Variants in PIGQ observed in about 807,000 individuals in gnomAD.
PIGQ encodes phosphatidylinositol N-acetylglucosaminyltransferase subunit Q.
In PIGQ, 54 loss-of-function variants were observed where a neutral mutation model predicts 60.3. The observed-to-expected ratio is 0.90, with a 90% CI of 0.72 to 1.12. The LOEUF (loss-of-function observed/expected upper bound fraction) is 1.12. Among genes scored for constraint, PIGQ ranks in the 50% most tolerant of loss-of-function variants. PIGQ has a pLI of 0.00. For missense variants in PIGQ, 799 were observed against 793.5 expected, an observed-to-expected ratio of 1.01 and a Z score of -0.08; for synonymous variants, 416 against 363.7, an observed-to-expected ratio of 1.14 and a Z score of -1.64.
intron 4 of PIGQ, among the ~76,000 whole-genome samples, chr16:577,514 T>C (rs1315934895): frequency 1.3e-5 from 2 of 148,240 alleles, no homozygotes; most frequent in Non-Finnish European, 3.0e-5. Context: ...GAGGCAGAGC[T>C]TGCAGTGAGC....
intron 9 of PIGQ, 130 bp from the exon 10 acceptor site, chr16:582,118 G>T (rs1285923987): frequency 1.4e-6 from 1 of 734,248 alleles, no homozygotes; most frequent in Non-Finnish European, 2.4e-6. Flanking sequence ...AGGGGGCGGG[G>T]AGAGCTTCGT....
At chr16:573,533 C>T (rs2035667430) in intron 1 of PIGQ, among the ~76,000 whole-genome samples, 1 of 152,204 alleles carries the variant, frequency 6.6e-6, no homozygotes, top group Non-Finnish European at 1.5e-5. Flanking sequence ...GAGGTAGTTT[C>T]CACAGCCCAG....
Position 578,424 on chromosome 16 carries a change from G to A in PIGQ, c.988G>A (p.Ala330Thr). ...LQHLLQWLMG[A>T]PAGLKMNRAL... ...GCATCTGCTGCAGTGGCTGATGGGT[G>A]CTCCCGCCGGGCTCAAGATGAACCG... The change falls in exon 5 of 11, where the codon GCT becomes ACT. Residue 330 changes from alanine (A) to threonine (T), a missense_variant. Coordinates refer to ENST00000321878, the MANE Select transcript of PIGQ (RefSeq NM_004204.5). 1 of 1,612,272 alleles carries A rather than the reference G, an allele frequency of 6.2e-7. No individual in the cohort carries two copies. The highest frequency in any genetic ancestry group is 2.2e-5 in the East Asian group (1 of 44,882).
intron 10 of PIGQ, 110 bp from the exon 11 acceptor site, chr16:582,773 A>G: frequency 8.9e-7 from 1 of 1,125,326 alleles, no homozygotes; most frequent in South Asian, 1.5e-5. Flanking sequence ...AGGCAAGGGA[A>G]TGTCTGAGAC....
chr16:571,061 G>C (rs376686827), intron 1 of PIGQ, among the ~76,000 whole-genome samples: 17 of 18,108 alleles, frequency 9.4e-4, no homozygotes, highest in East Asian at 8.3e-3. Flanking sequence ...GTGTGTGTGT[G>C]TGTGTGTGTG....
At chr16:581,709 AC>A (rs1567177826) in intron 9 of PIGQ, 1 of 143,824 alleles carries the variant, frequency 7.0e-6, no homozygotes, top group South Asian at 1.8e-4. Flanking sequence ...TGATCCTCCC[AC>A]CTCAGCCTCC....
Position 580,947 on chromosome 16 carries a change from G to A in PIGQ, c.1506G>A (p.Arg502=), listed in dbSNP as rs2035800259. Residue 502 remains arginine, a synonymous_variant, in exon 9 of 11, where the codon CGG becomes CGA. Transcript: ENST00000321878. ...NSLPLYSLGL[R]LCRPYRLAAG... is the part of the protein sequence containing the mutation. ...TGCCGCTGTACTCACTGGGTCTTCG[G>A]CTCTGCCGGCCCTACAGGCTGGCGG... 2 of 1,610,434 alleles carry A rather than the reference G, an allele frequency of 1.2e-6. No individual in the cohort carries two copies. The highest frequency in any genetic ancestry group is 1.7e-6 in the Non-Finnish European group (2 of 1,178,304).
In PIGQ at chr16:572,623, G is replaced by A. The variant is rs140922223; in HGVS notation, c.-9-1443G>A. 2.7e-3 allele frequency: 1,230 copies of A among 455,794 alleles called. 9 individuals carry two copies. Among genetic ancestry groups the A allele is most frequent in the African/African-American group, 0.022 (1,107 of 50,018 alleles). 28.2% of individuals were successfully genotyped at this position (455,794 alleles called of 1,614,324 possible). A position where few individuals can be genotyped will look rare whatever the true frequency, so the allele number is the denominator to read the frequency against. ...CCTGGTCTGTTCCCTCATCCCTAAG[G>A]GCGTGGTGGGCTCTGAGACCTCCAG... is the stretch of plus-strand genomic sequence containing the variant. On this transcript the variant is annotated intron_variant, in intron 1 of 10. Coordinates refer to ENST00000321878, the MANE Select transcript of PIGQ (RefSeq NM_004204.5).
At position 570,042 on chromosome 16, in the gene PIGQ, G is replaced by A. The variant is rs905452084; in HGVS notation, c.-64G>A. 4 of 149,932 alleles carry A rather than the reference G, an allele frequency of 2.7e-5. No individual in the cohort carries two copies. Among genetic ancestry groups the A allele is most frequent in the Non-Finnish European group, 6.0e-5 (4 of 67,146 alleles). The allele number at this position is 149,932 out of a possible 1,614,324, so 9.3% of individuals were successfully genotyped here. A position where few individuals can be genotyped will look rare whatever the true frequency, so the allele number is the denominator to read the frequency against. On this transcript the variant is annotated 5_prime_UTR_variant, in exon 1 of 11. Coordinates refer to ENST00000321878, the MANE Select transcript of PIGQ (RefSeq NM_004204.5). ...CGTCTGCCCGGGCCCGCCCATCGGG[G>A]TCCCCAACCCCATCCGGACCCCGCC...
rs759189005 is a variant in PIGQ, at chr16:576,167, C to T, written c.855C>T (p.Asp285=). ...ACACGGTGGCCTCTGTGCTGCTGGA[C>T]GTGGCCCTGGGCCTCATGCTGCTGT... ...KANTVASVLL[D]VALGLMLLSW... is the part of the protein sequence containing the mutation. The change falls in exon 4 of 11, where the codon GAC becomes GAT. Residue 285 remains aspartate (D), a synonymous_variant. Transcript: ENST00000321878. 9.0e-6 allele frequency: 14 copies of T among 1,549,302 alleles called. No homozygotes were observed. Among genetic ancestry groups the T allele is most frequent in the African/African-American group, 5.5e-5 (4 of 73,088 alleles).
intron 4 of PIGQ, chr16:576,709 G>C: frequency 2.4e-6 from 1 of 413,130 alleles, no homozygotes; most frequent in Non-Finnish European, 4.3e-6. Context: ...CCTGTGCTGA[G>C]AGCCAGAGGC....
chr16:580,343 T>G, intron 8 of PIGQ, 80 bp downstream of exon 8: 1 of 1,161,504 alleles, frequency 8.6e-7, no homozygotes, highest in Non-Finnish European at 1.2e-6. Context: ...AGCAGTCAGC[T>G]GTGGGGCGGG....
intron 1 of PIGQ, among the ~76,000 whole-genome samples, chr16:573,680 A>C (rs939932954): frequency 6.6e-6 from 1 of 152,144 alleles, no homozygotes; most frequent in Non-Finnish European, 1.5e-5. Flanking sequence ...ACACCTCTCT[A>C]ATCAGGTTTC....
chr16:583,997 G>GGGA lies in PIGQ; in HGVS notation c.*968_*970dup. 2.7e-6 allele frequency: 1 copy of GGGA among 375,824 alleles called. No individual in the cohort carries two copies. Among genetic ancestry groups the GGGA allele is most frequent in the Non-Finnish European group, 5.2e-6 (1 of 193,574 alleles). The allele number at this position is 375,824 out of a possible 1,614,324, so 23.3% of individuals were successfully genotyped here. A position where few individuals can be genotyped will look rare whatever the true frequency, so the allele number is the denominator to read the frequency against. On this transcript the variant is annotated 3_prime_UTR_variant, in exon 11 of 11. Transcript: ENST00000321878. ...GGTGAGGGGATGACGCGCTGTGGGT[G>GGGA]GGAGGAGGCAGCGCCCATCTCAGCA...
intron 5 of PIGQ, 60 bp from the exon 6 acceptor site, chr16:578,725 T>C (rs1432752141): frequency 6.4e-7 from 1 of 1,564,982 alleles, no homozygotes; most frequent in East Asian, 2.3e-5. Context: ...TGTGTGAGGG[T>C]TGTGCTGGGC....
At chr16:582,606 G>A (rs536814510) in intron 10 of PIGQ, 8 of 575,844 alleles carry the variant, frequency 1.4e-5, no homozygotes, top group African/African-American at 5.6e-5. Flanking sequence ...GAACAGAACC[G>A]ACTGAGTGAG....
chr16:575,660 G>C (rs1022973685), intron 2 of PIGQ, among the ~76,000 whole-genome samples, 179 bp from the exon 3 acceptor site: 1 of 152,208 alleles, frequency 6.6e-6, no homozygotes, highest in Admixed American at 6.5e-5. Flanking sequence ...CGTGCACTGT[G>C]AGGTGGGCGC....
In PIGQ at chr16:579,016, G is replaced by A. The variant is rs867674031; in HGVS notation, c.1224-53G>A. On this transcript the variant is annotated intron_variant, in intron 6 of 10. Transcript: ENST00000321878. ...GGCTGGGCGGGCGTTCGAGTGGGGC[G>A]GGGGCGGGGCGGGGCGGGGCGGGGC... is the stretch of plus-strand genomic sequence containing the variant. 35 of 1,521,398 alleles carry A rather than the reference G, an allele frequency of 2.3e-5. No individual in the cohort carries two copies. The Middle Eastern group carries it at 1.7e-3, about 73-fold the overall frequency. 94.2% of individuals were successfully genotyped at this position (1,521,398 alleles called of 1,614,324 possible). A position where few individuals can be genotyped will look rare whatever the true frequency, so the allele number is the denominator to read the frequency against.
chr16:576,303 C>CCTCCTGGCAGCAGAGCCTTCCCGGACCTG, intron 4 of PIGQ, 49 bp downstream of exon 4: 1 of 1,527,874 alleles, frequency 6.5e-7, no homozygotes, highest in South Asian at 1.2e-5. Context: ...CGTGGGGACC[C>CCTCCTGGCAGCAGAGCCTTCCCGGACCTG]CTCCTGGGCA....
Sources: gnomAD v4.1 joint callset for allele counts (sites outside exome capture counted in the v4.1 genomes callset) on GRCh38, gnomAD v4.1.1 for gene constraint, MANE v1.5 for transcripts, NCBI Gene and HGNC (gene_info 2026-07-23, HGNC 2026-07-21) for gene names.